Variants in PRKD1 observed in about 807,000 individuals in gnomAD.
PRKD1 encodes serine/threonine-protein kinase D1.
Under a neutral mutation model 95.9 loss-of-function variants are expected in PRKD1, and 63 were observed. That is an observed-to-expected ratio of 0.66 (90% CI 0.54 to 0.81). PRKD1 has a LOEUF of 0.81. Among genes scored for constraint, PRKD1 ranks in the 30% least tolerant of loss-of-function variants. The pLI, the probability that PRKD1 is intolerant of heterozygous loss-of-function variation, is 0.00. For synonymous variants in PRKD1, 425 were observed against 423.1 expected (o/e 1.00, Z -0.05); for missense variants, 1,048 against 1,165.3 (o/e 0.90, Z 1.47).
intron 1 of PRKD1, among the ~76,000 whole-genome samples, chr14:29,846,547 C>T (rs1442295956): frequency 6.6e-6 from 1 of 152,186 alleles, no homozygotes; most frequent in Non-Finnish European, 1.5e-5. Context: ...GGCACACAAG[C>T]AGCCAGGTGC....
intron 1 of PRKD1, among the ~76,000 whole-genome samples, chr14:29,797,128 G>C (rs1234500801): frequency 2.0e-5 from 3 of 152,080 alleles, no homozygotes; most frequent in Non-Finnish European, 2.9e-5. Flanking sequence ...CGATAAAAAG[G>C]GAATTTACAG....
At chr14:29,663,279 A>G (rs2139210297) in intron 4 of PRKD1, among the ~76,000 whole-genome samples, 1 of 151,626 alleles carries the variant, frequency 6.6e-6, no homozygotes, top group Admixed American at 6.6e-5. Flanking sequence ...CCAAGCAATA[A>G]AGACTTTCAT....
chr14:29,777,989 C>A (rs1888851800), intron 1 of PRKD1, among the ~76,000 whole-genome samples: 1 of 152,164 alleles, frequency 6.6e-6, no homozygotes, highest in African/African-American at 2.4e-5. Context: ...GATTAAGAAA[C>A]TCATTCAAAA....
In PRKD1 at chr14:29,666,190, T is replaced by C; in HGVS notation, c.422A>G (p.Asp141Gly). ...GAGAGCGTGGGGACGAATCTGAAAG[T>C]CTTCAAAGGTGGCGGAAGCTGTAAA... ...VVLSASATFE[D>G]FQIRPHALFV... Residue 141 changes from aspartate to glycine, a missense_variant, in exon 3 of 18, where the codon GAC becomes GGC. Physicochemically the swap from Asp to Gly is moderately conservative, Grantham distance 94 (BLOSUM62 -1). Around this residue, in one of 3 missense-constraint regions of PRKD1, gnomAD observed 275 missense variants for 248.6 expected, o/e 1.11. Transcript: ENST00000331968. The C allele has an allele frequency of 6.3e-7, 1 of 1,593,376 alleles. No individual in the cohort carries two copies. Among genetic ancestry groups the C allele is most frequent in the Non-Finnish European group, 8.6e-7 (1 of 1,165,648 alleles).
Position 29,830,406 on chromosome 14 carries a change from A to C in PRKD1, c.264+96843T>G, listed in dbSNP as rs569047558. On this transcript the variant is annotated intron_variant, in intron 1 of 17. Coordinates refer to ENST00000331968, the MANE Select transcript of PRKD1 (RefSeq NM_002742.3). ...ACAATTAAATTATGCACATTGTCAA[A>C]TCTTCTCATTTATTTAAGGAATCCA... Among the ~76,000 whole-genome samples, 4 of 152,248 alleles carry C rather than the reference A, an allele frequency of 2.6e-5. No homozygotes were observed. In the South Asian group the frequency reaches 8.3e-4, roughly 32 times the overall value.
chr14:29,619,116 G>A (rs1879070927), intron 13 of PRKD1, among the ~76,000 whole-genome samples: 2 of 151,982 alleles, frequency 1.3e-5, no homozygotes, highest in African/African-American at 4.8e-5. Context: ...TATTTCTCAA[G>A]ATTAGTAAAA....
At chr14:29,668,356 T>C (rs1200727654) in intron 2 of PRKD1, among the ~76,000 whole-genome samples, 1 of 152,156 alleles carries the variant, frequency 6.6e-6, no homozygotes, top group African/African-American at 2.4e-5. Flanking sequence ...AGAGGAACAA[T>C]GGGCTATCTG....
chr14:29,734,612 A>G lies in PRKD1; in HGVS notation c.265-8938T>C, dbSNP rs1026531860. ...CCAAGTGTTTGGTGAACTTTCTCCT[A>G]TTTGCTTGATAGAAACTCGAATGTC... On this transcript the variant is annotated intron_variant, in intron 1 of 17. Transcript: ENST00000331968. Among the ~76,000 whole-genome samples, 5 of 152,022 alleles carry G rather than the reference A, an allele frequency of 3.3e-5. No individual in the cohort carries two copies. The East Asian group carries it at 5.8e-4, about 18-fold the overall frequency.
chr14:29,723,425 G>A (rs1291107440), intron 2 of PRKD1, among the ~76,000 whole-genome samples: 1 of 152,082 alleles, frequency 6.6e-6, no homozygotes, highest in African/African-American at 2.4e-5. Context: ...GAAAAAGAAA[G>A]GAACATCAGG....
At chr14:29,907,384 A>G (rs896970945) in intron 1 of PRKD1, among the ~76,000 whole-genome samples, 1 of 152,260 alleles carries the variant, frequency 6.6e-6, no homozygotes, top group African/African-American at 2.4e-5. Context: ...TTTTATACAC[A>G]TAGACCACAC....
At position 29,720,792 on chromosome 14, in the gene PRKD1, T is replaced by TA. The variant is rs1409355666; in HGVS notation, c.403+4743dup. Among the ~76,000 whole-genome samples, 24 of 147,914 alleles carry TA rather than the reference T, an allele frequency of 1.6e-4. 1 individual carries two copies. The highest frequency in any genetic ancestry group is 3.8e-4 in the African/African-American group (15 of 39,518). On this transcript the variant is annotated intron_variant, in intron 2 of 17. Transcript: ENST00000331968. Reference sequence around the variant, plus strand: ...AAGATTCTGTCTCAAAAAAAATAAATAAATAAATAAATAAATAAATCCTGA... The same window carrying TA: ...AAGATTCTGTCTCAAAAAAAATAAATAAAATAAATAAATAAATAAATCCTGA...
intron 1 of PRKD1, among the ~76,000 whole-genome samples, chr14:29,781,910 C>G (rs45566636): frequency 3.4e-4 from 52 of 152,304 alleles, no homozygotes; most frequent in African/African-American, 1.2e-3. Flanking sequence ...ATGTACAATT[C>G]AATCTGCTGC....
At chr14:29,612,754 C>A (rs929305769) in intron 13 of PRKD1, among the ~76,000 whole-genome samples, 19 of 152,078 alleles carry the variant, frequency 1.2e-4, no homozygotes, top group Non-Finnish European at 2.1e-4. Flanking sequence ...AAAGACAGTA[C>A]GATTTCCTTA....
intron 1 of PRKD1, among the ~76,000 whole-genome samples, chr14:29,857,209 G>A (rs1025100365): frequency 1.3e-5 from 2 of 152,134 alleles, no homozygotes; most frequent in Admixed American, 6.5e-5. Context: ...TATTGTCATT[G>A]TTATTGTCAT....
chr14:29,598,302 T>C lies in PRKD1; in HGVS notation c.2167-544A>G, dbSNP rs61980479. On this transcript the variant is annotated intron_variant, in intron 15 of 17. Transcript: ENST00000331968. ...TAAAATAAAATAAAATAAAATAAAA[T>C]AAAATAAAATAAAATAAAATAAAAA... Among the ~76,000 whole-genome samples the C allele has an allele frequency of 1.4e-3, 87 of 60,828 alleles. 1 individual carries two copies. The highest frequency in any genetic ancestry group is 5.7e-4 in the Non-Finnish European group (19 of 33,114). The allele number at this position is 60,828 out of a possible 152,430, so 39.9% of individuals were successfully genotyped here.
At chr14:29,782,018 A>C (rs980601811) in intron 1 of PRKD1, among the ~76,000 whole-genome samples, 2 of 152,218 alleles carry the variant, frequency 1.3e-5, no homozygotes, top group East Asian at 1.9e-4. Flanking sequence ...GTATACCCAG[A>C]TGTGCATCTA....
At chr14:29,676,961 G>T (rs181184831) in intron 2 of PRKD1, among the ~76,000 whole-genome samples, 1 of 151,998 alleles carries the variant, frequency 6.6e-6, no homozygotes, top group South Asian at 2.1e-4. Flanking sequence ...CAGTCACACC[G>T]GCTACATTCA....
At chr14:29,784,863 G>T (rs965074582) in intron 1 of PRKD1, among the ~76,000 whole-genome samples, 1 of 152,174 alleles carries the variant, frequency 6.6e-6, no homozygotes, top group Non-Finnish European at 1.5e-5. Flanking sequence ...CTATAACTCT[G>T]ATTGAAAAGA....
At chr14:29,617,451 T>C (rs550213219) in intron 13 of PRKD1, among the ~76,000 whole-genome samples, 162 of 152,276 alleles carry the variant, frequency 1.1e-3, no homozygotes, top group Non-Finnish European at 1.9e-3. Flanking sequence ...AGGAGAATAA[T>C]TTATGACCCA....
Sources: gnomAD v4.1 joint callset for allele counts (sites outside exome capture counted in the v4.1 genomes callset) on GRCh38, gnomAD v4.1.1 for gene constraint, gnomAD v4.1.1 regional missense constraint, MANE v1.5 for transcripts, NCBI Gene and HGNC (gene_info 2026-07-23, HGNC 2026-07-21) for gene names.